The following TBL1XR1 variants were observed in gnomAD, a reference collection of about 807,000 sequenced individuals.
TBL1XR1 encodes TBL1X/Y related 1, also known as F-box-like/WD repeat-containing protein TBL1XR1.
TBL1XR1 carries 5 observed loss-of-function variants against 66.9 expected under a neutral mutation model. The observed-to-expected ratio is 0.07, with a 90% confidence interval of 0.04 to 0.16. The LOEUF (loss-of-function observed/expected upper bound fraction) is 0.16, where lower values mean the gene tolerates loss of function less well. TBL1XR1 is among the 10% of genes least tolerant of loss of function. The probability of loss-of-function intolerance (pLI) is 1.00; values close to 1 mark genes in which losing one functional copy is unlikely to be tolerated. For synonymous variants in TBL1XR1, 210 were observed against 206.0 expected (o/e 1.02, Z -0.17); for missense variants, 238 against 623.2 (o/e 0.38, Z 6.58).
At chr3:177,181,516 C>T (rs1336312550) in intron 1 of TBL1XR1, among the ~76,000 whole-genome samples, 1 of 151,376 alleles carries the variant, frequency 6.6e-6, no homozygotes, top group Non-Finnish European at 1.5e-5. Flanking sequence ...CCAGCCTACA[C>T]TCAACAGTAG....
intron 2 of TBL1XR1, chr3:177,091,144 G>A (rs965617067): frequency 2.6e-5 from 4 of 151,944 alleles, no homozygotes; most frequent in African/African-American, 9.7e-5. Flanking sequence ...TACACATGAG[G>A]ACTTACTTTA....
At chr3:177,083,871 C>T (rs1040238060) in intron 2 of TBL1XR1, among the ~76,000 whole-genome samples, 2 of 151,718 alleles carry the variant, frequency 1.3e-5, no homozygotes, top group Non-Finnish European at 2.9e-5. Context: ...GGGTGGATCA[C>T]GAGGTCAGGA....
At chr3:177,181,388 G>T (rs866665532) in intron 1 of TBL1XR1, among the ~76,000 whole-genome samples, 3 of 150,748 alleles carry the variant, frequency 2.0e-5, no homozygotes, top group Non-Finnish European at 4.4e-5. Flanking sequence ...GCTGAGGCAT[G>T]AGAATCACCT....
intron 1 of TBL1XR1, among the ~76,000 whole-genome samples, chr3:177,105,421 T>C (rs1724761092): frequency 6.6e-6 from 1 of 152,158 alleles, no homozygotes; most frequent in East Asian, 1.9e-4. Context: ...AGGGGGGATA[T>C]CAAGCTTTGT....
At chr3:177,026,243 GAA>G (rs3046447) in intron 15 of TBL1XR1, 128 bp downstream of exon 15, 115 of 614,660 alleles carry the variant, frequency 1.9e-4, no homozygotes, top group East Asian at 6.3e-4. Context: ...ACAGCCTCAG[GAA>G]AAAAAAAAAT....
intron 1 of TBL1XR1, among the ~76,000 whole-genome samples, chr3:177,192,691 T>C (rs1025312715): frequency 1.3e-5 from 2 of 152,066 alleles, no homozygotes; most frequent in South Asian, 4.1e-4. Flanking sequence ...AACAAGCAAA[T>C]AAAATGTAAT....
intron 1 of TBL1XR1, among the ~76,000 whole-genome samples, chr3:177,112,983 G>A (rs911743895): frequency 3.3e-5 from 5 of 149,878 alleles, no homozygotes; most frequent in Admixed American, 1.3e-4. Flanking sequence ...ACTGCACTCC[G>A]ATGAAGCAAG....
chr3:177,110,942 T>A (rs1725481968), intron 1 of TBL1XR1: 1 of 152,160 alleles, frequency 6.6e-6, no homozygotes, highest in Non-Finnish European at 1.5e-5. Context: ...CCCCTTGATC[T>A]CACGTCAAGC....
chr3:177,110,937 T>C (rs1560187043), intron 1 of TBL1XR1: 2 of 152,332 alleles, frequency 1.3e-5, no homozygotes, highest in East Asian at 3.9e-4. Flanking sequence ...TTCACCCCCT[T>C]GATCTCACGT....
intron 10 of TBL1XR1, 61 bp downstream of exon 10, chr3:177,046,068 A>C (rs1716289244): frequency 7.7e-7 from 1 of 1,296,324 alleles, no homozygotes; most frequent in African/African-American, 1.5e-5. Flanking sequence ...TATGCTGTTA[A>C]AAGTTTAATT....
chr3:177,118,556 G>A (rs1726589512), intron 1 of TBL1XR1, among the ~76,000 whole-genome samples: 1 of 152,054 alleles, frequency 6.6e-6, no homozygotes, highest in Non-Finnish European at 1.5e-5. Context: ...CAGACATTAG[G>A]AAGACTTTAA....
chr3:177,031,889 C>G (rs911471671), intron 14 of TBL1XR1, among the ~76,000 whole-genome samples: 1 of 151,856 alleles, frequency 6.6e-6, no homozygotes, highest in Admixed American at 6.6e-5. Context: ...GTTTTTTAGT[C>G]TATAAAGAGC....
upstream of TBL1XR1, chr3:177,201,794 ACT>A (rs1222446825): frequency 1.3e-5 from 2 of 152,156 alleles, no homozygotes; most frequent in East Asian, 3.9e-4. Context: ...TCTTGCTGAT[ACT>A]CTGTGATGTT....
intron 1 of TBL1XR1, among the ~76,000 whole-genome samples, chr3:177,174,883 G>A (rs1384719024): frequency 2.0e-5 from 3 of 152,080 alleles, no homozygotes; most frequent in Non-Finnish European, 4.4e-5. Flanking sequence ...TCCTATTACG[G>A]TCAGAAGAAT....
intron 1 of TBL1XR1, chr3:177,099,562 A>G (rs1376350510): frequency 1.3e-5 from 2 of 152,230 alleles, no homozygotes; most frequent in Non-Finnish European, 2.9e-5. Context: ...AAGTAAGAAG[A>G]TAACTAAGTA....
Position 177,112,640 on chromosome 3 carries a change from GT to G in TBL1XR1, c.-121-14100del, listed in dbSNP as rs536774039. On this transcript the variant is annotated intron_variant, in intron 1 of 15. Transcript: ENST00000457928. ...ATAATATTGTCCGTTTTAAAAACAA[GT>G]AATTAGGTGCCCGGCCAAATTTCTA... 9.2e-5 allele frequency among the ~76,000 whole-genome samples: 14 copies of G among 152,192 alleles called. No homozygotes were observed. In the South Asian group the frequency reaches 2.7e-3, roughly 29 times the overall value.
At chr3:177,089,884 A>G (rs1722613656) in intron 2 of TBL1XR1, among the ~76,000 whole-genome samples, 1 of 152,274 alleles carries the variant, frequency 6.6e-6, no homozygotes, top group Admixed American at 6.5e-5. Flanking sequence ...GAAAAGATGC[A>G]AATTAGAACC....
intron 1 of TBL1XR1, among the ~76,000 whole-genome samples, chr3:177,127,259 C>T (rs1318431389): frequency 6.6e-6 from 1 of 152,128 alleles, no homozygotes; most frequent in Admixed American, 6.5e-5. Context: ...TTTATGGTAT[C>T]TCTAACATCA....
intron 1 of TBL1XR1, among the ~76,000 whole-genome samples, chr3:177,120,525 T>C (rs1236849511): frequency 6.6e-6 from 1 of 152,170 alleles, no homozygotes; most frequent in Non-Finnish European, 1.5e-5. Flanking sequence ...CTGACTACGT[T>C]CCCTTACACT....
Sources: gnomAD v4.1 joint callset for allele counts (sites outside exome capture counted in the v4.1 genomes callset) on GRCh38, gnomAD v4.1.1 for gene constraint, MANE v1.5 for transcripts, NCBI Gene and HGNC (gene_info 2026-07-23, HGNC 2026-07-21) for gene names.